The following TUBA1C variants were observed in gnomAD, a reference collection of about 807,000 sequenced individuals.
TUBA1C encodes the protein tubulin alpha 1c, also known as tubulin alpha-1C chain.
In TUBA1C, 16 loss-of-function variants were observed where a neutral mutation model predicts 34.9. The observed-to-expected ratio is 0.46, with a 90% CI of 0.31 to 0.70. The LOEUF (loss-of-function observed/expected upper bound fraction) is 0.70, where lower values mean the gene tolerates loss of function less well. Among genes scored for constraint, TUBA1C ranks in the 30% least tolerant of loss-of-function variants. The probability of loss-of-function intolerance (pLI) is 0.05; values close to 1 mark genes in which losing one functional copy is unlikely to be tolerated. For missense variants in TUBA1C, 329 were observed against 587.3 expected, an observed-to-expected ratio of 0.56 and a Z score of 4.55; for synonymous variants, 177 against 215.9, an observed-to-expected ratio of 0.82 and a Z score of 1.58.
At chr12:49,228,101 C>T in exon 1 of TUBA1C, 1 of 1,535,700 alleles carries the variant, frequency 6.5e-7, no homozygotes, top group Non-Finnish European at 8.7e-7. Flanking sequence ...GACTCTTCAG[C>T]TCCCTGCGCC....
chr12:49,257,187 G>C (rs1240372008), intron 1 of TUBA1C, among the ~76,000 whole-genome samples: 1 of 150,552 alleles, frequency 6.6e-6, no homozygotes, highest in Non-Finnish European at 1.5e-5. Flanking sequence ...GTTTAGAAAT[G>C]AAGGCCTTAA....
intron 1 of TUBA1C, among the ~76,000 whole-genome samples, chr12:49,251,453 C>T (rs1451883635): frequency 6.6e-6 from 1 of 151,918 alleles, no homozygotes; most frequent in South Asian, 2.1e-4. Context: ...ATACAAAAGT[C>T]GTCTGCAAAC....
At chr12:49,241,058 C>T (rs1191735068) in intron 1 of TUBA1C, among the ~76,000 whole-genome samples, 7 of 152,030 alleles carry the variant, frequency 4.6e-5, no homozygotes, top group East Asian at 1.9e-4. Context: ...TGCACCACCA[C>T]GGCCAGCAAA....
intron 3 of TUBA1C, among the ~76,000 whole-genome samples, chr12:49,271,293 A>G (rs1176014717): frequency 6.6e-6 from 1 of 152,242 alleles, no homozygotes; most frequent in Non-Finnish European, 1.5e-5. Context: ...GCAAGAGTTT[A>G]CAACAGAATA....
At chr12:49,270,849 G>A (rs1942981864) in intron 3 of TUBA1C, among the ~76,000 whole-genome samples, 1 of 152,078 alleles carries the variant, frequency 6.6e-6, no homozygotes. Context: ...CGTGGTGGTG[G>A]GCGCCTGTAG....
intron 1 of TUBA1C, 110 bp from the exon 2 acceptor site, chr12:49,269,355 G>A (rs556778725): frequency 7.9e-6 from 12 of 1,527,254 alleles, no homozygotes; most frequent in South Asian, 3.5e-5. Context: ...GAGTCACTGC[G>A]CCCAGCCAGT....
intron 1 of TUBA1C, among the ~76,000 whole-genome samples, chr12:49,249,349 C>T (rs1003361954): frequency 2.0e-5 from 3 of 152,044 alleles, no homozygotes; most frequent in Non-Finnish European, 2.9e-5. Context: ...ATCACTTGAA[C>T]CCGGGAGGCG....
In TUBA1C at chr12:49,272,843, C is replaced by T. The variant is rs377596043; in HGVS notation, c.966C>T (p.Asp322=). The T allele has an allele frequency of 3.3e-5, 54 of 1,614,030 alleles. No homozygotes were observed. The highest frequency in any genetic ancestry group is 1.7e-4 in the Admixed American group (10 of 59,992). ...CTTGCTGCCTGTTATACCGTGGTGACGTGGTTCCCAAAGATGTCAATGCTG... is the reference window on the plus strand; with the variant it reads ...CTTGCTGCCTGTTATACCGTGGTGATGTGGTTCCCAAAGATGTCAATGCTG... The part of the protein sequence containing the change: ...YMACCLLYRG[D]VVPKDVNAAI... The change falls in exon 4 of 4, where the codon GAC becomes GAT. Residue 322 remains aspartate (D), a synonymous_variant. Transcript: ENST00000301072.
At chr12:49,244,909 A>G (rs933149694) in intron 1 of TUBA1C, among the ~76,000 whole-genome samples, 3 of 152,244 alleles carry the variant, frequency 2.0e-5, no homozygotes, top group African/African-American at 7.2e-5. Context: ...CACCTTCCTT[A>G]TAATAACTTT....
intron 1 of TUBA1C, among the ~76,000 whole-genome samples, chr12:49,254,289 C>T (rs1015906515): frequency 1.3e-5 from 2 of 151,364 alleles, no homozygotes; most frequent in Non-Finnish European, 2.9e-5. Flanking sequence ...CTAGCCTGGG[C>T]AACAAGAGTG....
chr12:49,231,767 T>A (rs1942500668), intron 1 of TUBA1C, among the ~76,000 whole-genome samples: 1 of 152,050 alleles, frequency 6.6e-6, no homozygotes, highest in Admixed American at 6.5e-5. Flanking sequence ...TAGGCTGGTC[T>A]CGAACTCCTG....
chr12:49,255,398 T>C (rs1942772524), intron 1 of TUBA1C, among the ~76,000 whole-genome samples: 1 of 140,600 alleles, frequency 7.1e-6, no homozygotes, highest in East Asian at 2.0e-4. Context: ...TGAACTTATC[T>C]TTAAAAAATA....
At chr12:49,240,890 C>G in intron 1 of TUBA1C, among the ~76,000 whole-genome samples, 1 of 152,034 alleles carries the variant, frequency 6.6e-6, no homozygotes, top group African/African-American at 2.4e-5. Flanking sequence ...GCCACTGCCC[C>G]CAGCCCATCA....
At chr12:49,264,216 T>C (rs1245075055), upstream of TUBA1C, among the ~76,000 whole-genome samples, 1 of 144,562 alleles carries the variant, frequency 6.9e-6, no homozygotes, top group African/African-American at 2.6e-5. Context: ...CGAGACTCCG[T>C]CTCAAAAAAA....
chr12:49,246,909 G>T (rs779400011), intron 1 of TUBA1C, among the ~76,000 whole-genome samples: 1 of 152,144 alleles, frequency 6.6e-6, no homozygotes, highest in Non-Finnish European at 1.5e-5. Flanking sequence ...GGAGGCCGAG[G>T]TGGGTGGATC....
At chr12:49,249,193 C>T (rs570620549) in intron 1 of TUBA1C, among the ~76,000 whole-genome samples, 2 of 152,042 alleles carry the variant, frequency 1.3e-5, no homozygotes, top group African/African-American at 2.4e-5. Context: ...TTTGGGAGGC[C>T]GAGTCGGGCT....
At chr12:49,230,811 G>A (rs1490826250) in intron 1 of TUBA1C, among the ~76,000 whole-genome samples, 4 of 152,316 alleles carry the variant, frequency 2.6e-5, no homozygotes, top group African/African-American at 9.6e-5. Flanking sequence ...GATTTTGCCT[G>A]AAAGCATTGG....
At chr12:49,243,833 ACTTG>A (rs1565640918) in intron 1 of TUBA1C, among the ~76,000 whole-genome samples, 1 of 152,034 alleles carries the variant, frequency 6.6e-6, no homozygotes, top group Non-Finnish European at 1.5e-5. Flanking sequence ...GGAAATTGAG[ACTTG>A]TAATACTATC....
intron 1 of TUBA1C, among the ~76,000 whole-genome samples, chr12:49,230,045 C>G (rs1942480282): frequency 1.3e-5 from 2 of 151,570 alleles, no homozygotes; most frequent in Non-Finnish European, 2.9e-5. Context: ...CTTGGCCTCC[C>G]AAAGTGCCGG....
Sources: gnomAD v4.1 joint callset for allele counts (sites outside exome capture counted in the v4.1 genomes callset) on GRCh38, gnomAD v4.1.1 for gene constraint, MANE v1.5 for transcripts, NCBI Gene and HGNC (gene_info 2026-07-23, HGNC 2026-07-21) for gene names.